Variants in OSBPL6 observed in about 807,000 individuals in gnomAD.
OSBPL6 encodes oxysterol-binding protein-related protein 6.
A neutral mutation model predicts 125.8 loss-of-function variants in OSBPL6; 49 were observed. That is an observed-to-expected ratio of 0.39 (90% CI 0.31 to 0.49). OSBPL6 has a LOEUF of 0.49. Among genes scored for constraint, OSBPL6 ranks in the 20% least tolerant of loss-of-function variants. The pLI, the probability that OSBPL6 is intolerant of heterozygous loss-of-function variation, is 0.88. For missense variants in OSBPL6, 986 were observed against 1,135.4 expected (o/e 0.87, Z 1.89); for synonymous variants, 394 against 391.8 (o/e 1.01, Z -0.07).
intron 1 of OSBPL6, among the ~76,000 whole-genome samples, chr2:178,251,897 C>T (rs1412226914): frequency 1.3e-5 from 2 of 152,110 alleles, no homozygotes; most frequent in African/African-American, 4.8e-5. Flanking sequence ...TGCTGGATTC[C>T]CAGCAGAAAG....
intron 12 of OSBPL6, among the ~76,000 whole-genome samples, chr2:178,360,758 A>C (rs1196365509): frequency 6.6e-6 from 1 of 152,214 alleles, no homozygotes; most frequent in Admixed American, 6.5e-5. Flanking sequence ...TCCAGCTATC[A>C]AGTTATTACC....
intron 1 of OSBPL6, among the ~76,000 whole-genome samples, chr2:178,236,739 C>T (rs753522515): frequency 3.9e-5 from 6 of 152,222 alleles, no homozygotes; most frequent in Non-Finnish European, 7.3e-5. Context: ...TGTCTACAGT[C>T]ACTTATAACA....
intron 1 of OSBPL6, among the ~76,000 whole-genome samples, chr2:178,265,129 G>A (rs2092188637): frequency 7.2e-6 from 1 of 138,648 alleles, no homozygotes; most frequent in South Asian, 2.3e-4. Context: ...CAGTCCTCCT[G>A]CCTTGGCCTC....
At chr2:178,197,525 G>A (rs763537688) in intron 1 of OSBPL6, among the ~76,000 whole-genome samples, 10 of 152,012 alleles carry the variant, frequency 6.6e-5, no homozygotes, top group Admixed American at 3.9e-4. Flanking sequence ...AACCTCCGAT[G>A]GTGCCAAACC....
At chr2:178,234,400 A>T (rs552141677) in intron 1 of OSBPL6, among the ~76,000 whole-genome samples, 320 of 150,784 alleles carry the variant, frequency 2.1e-3, no homozygotes, top group Non-Finnish European at 3.6e-3. Flanking sequence ...GTTACCAGTG[A>T]GAGAGAGAGA....
chr2:178,279,575 A>G (rs1417570121), intron 1 of OSBPL6, among the ~76,000 whole-genome samples: 2 of 152,226 alleles, frequency 1.3e-5, no homozygotes, highest in African/African-American at 2.4e-5. Context: ...TACAGAGGAT[A>G]TGTTTAAATA....
At chr2:178,226,747 A>G (rs981479057) in intron 1 of OSBPL6, among the ~76,000 whole-genome samples, 12 of 152,202 alleles carry the variant, frequency 7.9e-5, no homozygotes, top group African/African-American at 2.9e-4. Flanking sequence ...TGTTAGAAGG[A>G]AAATGTTAAG....
intron 2 of OSBPL6, among the ~76,000 whole-genome samples, chr2:178,294,674 TC>T (rs990645650): frequency 2.0e-5 from 3 of 151,890 alleles, no homozygotes; most frequent in African/African-American, 7.2e-5. Context: ...GTCGGAAAAT[TC>T]TAAGTCAAAC....
chr2:178,224,634 T>G (rs184428835), intron 1 of OSBPL6, among the ~76,000 whole-genome samples: 2 of 152,304 alleles, frequency 1.3e-5, no homozygotes, highest in East Asian at 3.9e-4. Context: ...TAGAAACTAG[T>G]GTAGTTAAAG....
chr2:178,273,112 G>T lies in OSBPL6; in HGVS notation c.-350-11815G>T, dbSNP rs1020562929. The stretch of plus-strand genomic sequence containing the variant: ...GTTCTAGGTAGAGGAAATGCACAGA[G>T]TGGGTAAAGAGTGAGTATGATTGGG... On this transcript the variant is annotated intron_variant, in intron 1 of 24. Coordinates refer to ENST00000190611, the MANE Select transcript of OSBPL6 (RefSeq NM_032523.4). Among the ~76,000 whole-genome samples the T allele has an allele frequency of 5.3e-5, 8 of 152,290 alleles. No homozygotes were observed. The East Asian group carries it at 1.5e-3, about 29-fold the overall frequency.
chr2:178,373,379 T>A (rs1198121178), intron 14 of OSBPL6, among the ~76,000 whole-genome samples: 3 of 152,222 alleles, frequency 2.0e-5, no homozygotes, highest in Non-Finnish European at 4.4e-5. Context: ...ATTTATCACT[T>A]ATTGAATAAA....
chr2:178,309,301 C>T (rs887659078), intron 3 of OSBPL6, among the ~76,000 whole-genome samples: 9 of 152,102 alleles, frequency 5.9e-5, no homozygotes, highest in African/African-American at 1.7e-4. Flanking sequence ...TGTGAGCTCT[C>T]GTATACAGAC....
intron 2 of OSBPL6, among the ~76,000 whole-genome samples, chr2:178,300,103 A>G (rs183555836): frequency 1.5e-3 from 225 of 152,382 alleles, no homozygotes; most frequent in Admixed American, 3.1e-3. Context: ...TATGAAAGCT[A>G]TATATCTCAA....
Position 178,384,193 on chromosome 2 carries a change from T to C in OSBPL6, c.2013+17T>C. ...TCAGAACAGGTAAGCGCCACTGGAC[T>C]CAGTGAGGTTTCTATATAGGTAAGA... On this transcript the variant is annotated intron_variant, in intron 18 of 24. Transcript: ENST00000190611. 1 of 1,609,440 alleles carries C rather than the reference T, an allele frequency of 6.2e-7. No homozygotes were observed.
At chr2:178,342,478 T>C (rs1280867607) in intron 11 of OSBPL6, among the ~76,000 whole-genome samples, 1 of 152,206 alleles carries the variant, frequency 6.6e-6, no homozygotes, top group Admixed American at 6.5e-5. Flanking sequence ...GTGCTATTGA[T>C]TAAATGAGAA....
chr2:178,311,345 C>T (rs1020828555), intron 3 of OSBPL6, among the ~76,000 whole-genome samples: 4 of 152,152 alleles, frequency 2.6e-5, no homozygotes, highest in Admixed American at 2.0e-4. Flanking sequence ...GCCTTCTCTG[C>T]CCTTCCCTGC....
chr2:178,368,284 G>A (rs1693042561), intron 13 of OSBPL6, among the ~76,000 whole-genome samples: 2 of 152,112 alleles, frequency 1.3e-5, no homozygotes, highest in Admixed American at 6.6e-5. Flanking sequence ...GGGAGGATGC[G>A]CAGAAAGGGG....
intron 1 of OSBPL6, 62 bp from the exon 2 acceptor site, chr2:178,284,865 C>A (rs140998195): frequency 1.5e-5 from 6 of 393,584 alleles, no homozygotes; most frequent in Non-Finnish European, 2.7e-5. Context: ...AGGCAGTCCC[C>A]GTGAGAGGCT....
chr2:178,202,322 A>G (rs1007905703), intron 1 of OSBPL6, among the ~76,000 whole-genome samples: 1 of 152,244 alleles, frequency 6.6e-6, no homozygotes, highest in East Asian at 1.9e-4. Context: ...CAATGGTGCT[A>G]ACTTTTTCAC....
Sources: gnomAD v4.1 joint callset for allele counts (sites outside exome capture counted in the v4.1 genomes callset) on GRCh38, gnomAD v4.1.1 for gene constraint, MANE v1.5 for transcripts, NCBI Gene and HGNC (gene_info 2026-07-23, HGNC 2026-07-21) for gene names.